The following CARMIL1 variants were observed in gnomAD, a reference collection of about 807,000 sequenced individuals.
CARMIL1 encodes the protein F-actin-uncapping protein LRRC16A.
A neutral mutation model predicts 177.1 loss-of-function variants in CARMIL1; 90 were observed. The observed-to-expected ratio is 0.51, with a 90% confidence interval of 0.43 to 0.61. The LOEUF (loss-of-function observed/expected upper bound fraction) is 0.61, where lower values mean the gene tolerates loss of function less well. Among genes scored for constraint, CARMIL1 ranks in the 20% least tolerant of loss-of-function variants. The pLI is 0.00. For synonymous variants in CARMIL1, 577 were observed against 606.2 expected (o/e 0.95, Z 0.71); for missense variants, 1,380 against 1,667.0 (o/e 0.83, Z 3.00).
At chr6:25,581,018 T>A (rs374560644) in intron 30 of CARMIL1, 28 bp downstream of exon 30, 141 of 1,575,654 alleles carry the variant, frequency 8.9e-5, no homozygotes, top group Non-Finnish European at 1.2e-4. Context: ...GCCAATCATT[T>A]CCTTGGAACT....
At chr6:25,419,310 C>T (rs561427162) in intron 2 of CARMIL1, among the ~76,000 whole-genome samples, 40 of 152,326 alleles carry the variant, frequency 2.6e-4, no homozygotes, top group South Asian at 1.2e-3. Context: ...CCCATCAGGA[C>T]TTGAGAAGCC....
intron 11 of CARMIL1, among the ~76,000 whole-genome samples, chr6:25,476,338 G>T (rs1011578814): frequency 6.6e-6 from 1 of 152,104 alleles, no homozygotes; most frequent in Non-Finnish European, 1.5e-5. Flanking sequence ...CAAGTCTGTT[G>T]TGTGGTTTCT....
At chr6:25,517,228 T>A in intron 21 of CARMIL1, 119 bp from the exon 22 acceptor site, 1 of 674,966 alleles carries the variant, frequency 1.5e-6, no homozygotes, top group East Asian at 2.6e-5. Context: ...TATTCCTTGC[T>A]CACATAATGC....
intron 31 of CARMIL1, among the ~76,000 whole-genome samples, chr6:25,582,662 G>A (rs974514769): frequency 6.6e-6 from 1 of 152,012 alleles, no homozygotes; most frequent in Non-Finnish European, 1.5e-5. Flanking sequence ...GCCCTCTAAT[G>A]CTGCAGCCCT....
At chr6:25,475,405 A>C (rs1213488773) in intron 11 of CARMIL1, among the ~76,000 whole-genome samples, 2 of 152,234 alleles carry the variant, frequency 1.3e-5, no homozygotes, top group Non-Finnish European at 1.5e-5. Context: ...CGTCTCAAAA[A>C]AAAAAAAAAA....
At chr6:25,426,157 T>C (rs972042344) in intron 3 of CARMIL1, among the ~76,000 whole-genome samples, 20 of 152,204 alleles carry the variant, frequency 1.3e-4, no homozygotes, top group African/African-American at 4.8e-4. Context: ...AGTAATTGCG[T>C]TTTTTGCTAT....
intron 36 of CARMIL1, among the ~76,000 whole-genome samples, chr6:25,610,596 A>AC (rs751211501): frequency 5.5e-4 from 83 of 152,034 alleles, no homozygotes; most frequent in Non-Finnish European, 8.8e-5. Flanking sequence ...CAGGAGCAGC[A>AC]CCCCCGGGCC....
intron 2 of CARMIL1, among the ~76,000 whole-genome samples, chr6:25,304,552 G>A (rs575399564): frequency 1.3e-5 from 2 of 152,110 alleles, no homozygotes; most frequent in South Asian, 2.1e-4. Flanking sequence ...TAGGGTTCAC[G>A]CTCCTATGAG....
intron 5 of CARMIL1, among the ~76,000 whole-genome samples, chr6:25,444,540 C>T (rs976559583): frequency 6.6e-5 from 10 of 152,106 alleles, no homozygotes; most frequent in African/African-American, 1.9e-4. Flanking sequence ...CACCGCCCGA[C>T]AGGCCCCGGT....
intron 8 of CARMIL1, among the ~76,000 whole-genome samples, chr6:25,461,180 G>A (rs1800086359): frequency 6.6e-6 from 1 of 152,142 alleles, no homozygotes; most frequent in Non-Finnish European, 1.5e-5. Flanking sequence ...GATACATCAT[G>A]TCTACATTGT....
In CARMIL1 at chr6:25,600,305, G is replaced by C. The variant is rs760357376; in HGVS notation, c.3120-9G>C. On this transcript the variant is annotated splice_polypyrimidine_tract_variant and intron_variant, in intron 32 of 36. Transcript: ENST00000329474. Reference sequence around the variant, plus strand: ...AAACAACAGATCTGTGTCTTGGTTTGAAATGCAGGAAATGGTCAACAAGAG... The same window carrying C: ...AAACAACAGATCTGTGTCTTGGTTTCAAATGCAGGAAATGGTCAACAAGAG... The C allele has an allele frequency of 3.7e-5, 59 of 1,597,868 alleles. No homozygotes were observed. The highest frequency in any genetic ancestry group is 4.9e-5 in the Non-Finnish European group (58 of 1,173,084).
intron 3 of CARMIL1, among the ~76,000 whole-genome samples, chr6:25,421,574 C>T (rs1477349601): frequency 6.6e-6 from 1 of 151,934 alleles, no homozygotes; most frequent in Non-Finnish European, 1.5e-5. Context: ...CAAATGCACA[C>T]GTATGTTTAT....
chr6:25,519,179 C>T (rs1057448650), intron 22 of CARMIL1, among the ~76,000 whole-genome samples: 4 of 152,004 alleles, frequency 2.6e-5, no homozygotes, highest in East Asian at 1.9e-4. Context: ...TAATAGATGT[C>T]GTCTAAATAT....
Position 25,388,452 on chromosome 6 carries a change from C to T in CARMIL1, c.139-31662C>T, listed in dbSNP as rs573375951. Among the ~76,000 whole-genome samples the T allele has an allele frequency of 3.8e-3, 574 of 152,142 alleles. 4 individuals carry two copies. The highest frequency in any genetic ancestry group is 0.013 in the African/African-American group (544 of 41,512). On this transcript the variant is annotated intron_variant, in intron 2 of 36. Coordinates refer to ENST00000329474, the MANE Select transcript of CARMIL1 (RefSeq NM_017640.6). ...AGCGATCTCAGCTCACTGCAACCTC[C>T]GCCTCCCGGGTTCAAGCAATTCTGC...
At position 25,394,084 on chromosome 6, in the gene CARMIL1, A is replaced by G. The variant is rs528978439; in HGVS notation, c.139-26030A>G. 3.3e-5 allele frequency among the ~76,000 whole-genome samples: 5 copies of G among 152,304 alleles called. No individual in the cohort carries two copies. In the South Asian group the frequency reaches 8.3e-4, roughly 25 times the overall value. ...ACCCACATACCACCACTTAGTTTCT[A>G]CCATTTACATTTTACTTGCTTTATC... is the stretch of plus-strand genomic sequence containing the variant. On this transcript the variant is annotated intron_variant, in intron 2 of 36. Coordinates refer to ENST00000329474, the MANE Select transcript of CARMIL1 (RefSeq NM_017640.6).
intron 12 of CARMIL1, among the ~76,000 whole-genome samples, chr6:25,484,337 G>T (rs1425320246): frequency 6.6e-6 from 1 of 152,190 alleles, no homozygotes; most frequent in Non-Finnish European, 1.5e-5. Context: ...TTATATCCAT[G>T]CCATCATACA....
chr6:25,392,830 T>A (rs1793010935), intron 2 of CARMIL1, among the ~76,000 whole-genome samples: 2 of 152,344 alleles, frequency 1.3e-5, no homozygotes, highest in African/African-American at 4.8e-5. Context: ...TAAAATTTAA[T>A]TAAAAGCAAT....
At chr6:25,614,702 CCTT>C (rs1257184572) in intron 36 of CARMIL1, among the ~76,000 whole-genome samples, 1 of 152,196 alleles carries the variant, frequency 6.6e-6, no homozygotes, top group Non-Finnish European at 1.5e-5. Context: ...ATGCAATGTT[CCTT>C]CTTCAAGAGG....
chr6:25,559,572 T>TA (rs1810932753), intron 29 of CARMIL1, among the ~76,000 whole-genome samples: 2 of 5,798 alleles, frequency 3.4e-4, no homozygotes, highest in African/African-American at 4.4e-3. Flanking sequence ...CAGATGGAGC[T>TA]TACAGCACTG....
Sources: allele counts gnomAD v4.1 joint callset (sites outside exome capture counted in the v4.1 genomes callset), GRCh38; gene constraint gnomAD v4.1.1; transcripts MANE v1.5; gene names NCBI Gene and HGNC (gene_info 2026-07-23, HGNC 2026-07-21).